FCSK: variants seen among roughly 807,000 people sequenced by gnomAD.
FCSK encodes L-fucose kinase.
FCSK carries 123 observed loss-of-function variants against 122.5 expected under a neutral mutation model. The observed-to-expected ratio is 1.00, with a 90% CI of 0.87 to 1.17. FCSK has a LOEUF of 1.17. Ranked by LOEUF, FCSK falls within the 50% of genes most tolerant of loss-of-function variation. FCSK has a pLI of 0.00. For missense variants in FCSK, 1,366 were observed against 1,450.4 expected, an observed-to-expected ratio of 0.94 and a Z score of 0.95; for synonymous variants, 620 against 625.5, an observed-to-expected ratio of 0.99 and a Z score of 0.13.
intron 1 of FCSK, among the ~76,000 whole-genome samples, chr16:70,459,223 TAA>T (rs10596122): frequency 0.13 from 17,130 of 131,752 alleles, 3,390 homozygotes; most frequent in African/African-American, 0.42. Flanking sequence ...ACCCTGTCTT[TAA>T]AAAAAAAAAA....
At chr16:70,479,512 C>A in intron 23 of FCSK, 67 bp from the exon 24 acceptor site, 1 of 1,506,820 alleles carries the variant, frequency 6.6e-7, no homozygotes, top group Non-Finnish European at 9.1e-7. Flanking sequence ...GTCCTGCAGG[C>A]CCAGTCCAGC....
intron 1 of FCSK, among the ~76,000 whole-genome samples, chr16:70,460,277 AAT>A (rs2048224932): frequency 6.7e-6 from 1 of 149,462 alleles, no homozygotes; most frequent in Non-Finnish European, 1.5e-5. Context: ...ACGCCCAGCT[AAT>A]TTTTTGTATT....
intron 3 of FCSK, among the ~76,000 whole-genome samples, chr16:70,464,363 C>T (rs1205947081): frequency 6.6e-5 from 10 of 152,062 alleles, no homozygotes; most frequent in Admixed American, 2.6e-4. Flanking sequence ...TCAAAACAGA[C>T]AGCAGAGGCC....
rs1440078776 is a variant in FCSK at position 70,469,009 on chromosome 16, G to A, written c.783+41G>A. The stretch of plus-strand genomic sequence containing the variant: ...CAGCTAGGTGGGGCCTGGCTTGGGG[G>A]CGAGGCACTGTGTGACCTCAGGCCA... On this transcript the variant is annotated intron_variant, in intron 9 of 23. Transcript: ENST00000288078. 5 of 1,609,534 alleles carry A rather than the reference G, an allele frequency of 3.1e-6. No homozygotes were observed. In the African/African-American group the frequency reaches 6.7e-5, roughly 21 times the overall value.
intron 1 of FCSK, among the ~76,000 whole-genome samples, chr16:70,460,326 T>C (rs1210326234): frequency 1.3e-5 from 2 of 151,364 alleles, no homozygotes; most frequent in Non-Finnish European, 2.9e-5. Flanking sequence ...TTAGCCAGGA[T>C]GGTCTCGATC....
In FCSK at chr16:70,475,481, G is replaced by A. The variant is rs758549850; in HGVS notation, c.2509G>A (p.Gly837Ser). Residue 837 changes from glycine to serine, a missense_variant, in exon 19 of 24, where the codon GGC becomes AGC. Coordinates refer to ENST00000288078, the MANE Select transcript of FCSK (RefSeq NM_145059.3). ...GCACACCTGGTCTGAGCTGCCCCAC[G>A]GCTCTGGCCTGGGTGAGCGGGCCCT... ...ELHTWSELPH[G>S]SGLGTSSILA... 1.1e-4 allele frequency: 180 copies of A among 1,602,974 alleles called. No homozygotes were observed. Among genetic ancestry groups the A allele is most frequent in the Non-Finnish European group, 1.4e-4 (166 of 1,178,090 alleles).
intron 13 of FCSK, among the ~76,000 whole-genome samples, chr16:70,471,812 G>GTTT (rs1230034123): frequency 2.3e-5 from 3 of 128,650 alleles, no homozygotes; most frequent in African/African-American, 9.3e-5. Flanking sequence ...TGGGGTTGTT[G>GTTT]TTTTTTTTTT....
rs147558449 is a variant in FCSK at position 70,471,255 on chromosome 16, G to A, written c.1244G>A (p.Arg415Gln). 22 of 1,609,952 alleles carry A rather than the reference G, an allele frequency of 1.4e-5. No homozygotes were observed. Among genetic ancestry groups the A allele is most frequent in the African/African-American group, 1.2e-4 (9 of 75,026 alleles). ...GCCCACTCCAAGGCCCTGCATGGCC[G>A]GGAGCTGCGTGACCTTGTCCTGCAG... ...DTAHSKALHG[R>Q]ELRDLVLQGH... Residue 415 changes from arginine (R) to glutamine (Q), a missense_variant, in exon 13 of 24, where the codon CGG becomes CAG. Transcript: ENST00000288078.
chr16:70,469,837 C>T (rs17882800), intron 10 of FCSK, among the ~76,000 whole-genome samples: 4,785 of 148,598 alleles, frequency 0.032, 286 homozygotes, highest in African/African-American at 0.11. Flanking sequence ...CCGGCCCTAA[C>T]CTGTCTGCTT....
chr16:70,471,493 G>C (rs17884496), intron 13 of FCSK, 141 bp downstream of exon 13: 31,278 of 826,152 alleles, frequency 0.038, 805 homozygotes, highest in East Asian at 0.11. Flanking sequence ...GTAGGGAGGA[G>C]AGAATGAGGG....
rs574604737 is a variant in FCSK, at chr16:70,470,355, G to T, written c.997G>T (p.Ala333Ser). The change falls in exon 11 of 24, where the codon GCC becomes TCC. Residue 333 changes from alanine to serine, a missense_variant. Transcript: ENST00000288078. Reference sequence around the variant, plus strand: ...CAGCTACAGCTACATGACCTCCTCAGCCAGTGAGTTCCTGCTCAGCCTCAC... The same window carrying T: ...CAGCTACAGCTACATGACCTCCTCATCCAGTGAGTTCCTGCTCAGCCTCAC... The part of the protein sequence containing the change: ...SGSYSYMTSS[A>S]SEFLLSLTLP... 2 of 1,613,772 alleles carry T rather than the reference G, an allele frequency of 1.2e-6. No homozygotes were observed. The highest frequency in any genetic ancestry group is 2.2e-5 in the South Asian group (2 of 91,086).
rs752659322 is a variant in FCSK, at chr16:70,471,263, C to T, written c.1252C>T (p.Arg418Cys). 4.3e-5 allele frequency: 69 copies of T among 1,609,650 alleles called. No homozygotes were observed. Among genetic ancestry groups the T allele is most frequent in the Non-Finnish European group, 4.9e-5 (58 of 1,178,834 alleles). The change falls in exon 13 of 24, where the codon CGT becomes TGT. Residue 418 changes from arginine to cysteine, a missense_variant. Physicochemically the swap from Arg to Cys is radical, Grantham distance 180. Coordinates refer to ENST00000288078, the MANE Select transcript of FCSK (RefSeq NM_145059.3). ...HSKALHGREL[R>C]DLVLQGHHTR... ...CAAGGCCCTGCATGGCCGGGAGCTG[C>T]GTGACCTTGTCCTGCAGGGACACCA...
intron 1 of FCSK, 51 bp downstream of exon 1, chr16:70,454,681 C>T (rs549710033): frequency 2.5e-4 from 38 of 152,288 alleles, no homozygotes; most frequent in South Asian, 8.3e-4. Flanking sequence ...CCCTTGCGCC[C>T]CTTGCGCCCC....
Position 70,470,373 on chromosome 16 carries a change from A to T in FCSK, c.1015A>T (p.Ser339Cys). Residue 339 changes from serine to cysteine, a missense_variant, in exon 11 of 24, where the codon AGC (serine) becomes TGC (cysteine). Coordinates refer to ENST00000288078, the MANE Select transcript of FCSK (RefSeq NM_145059.3). The part of the protein sequence containing the change: ...MTSSASEFLL[S>C]LTLPGAPGAQ... ...CTCCTCAGCCAGTGAGTTCCTGCTCAGCCTCACACTCCCCGGGGCTCCTGG... is the reference window on the plus strand; with the variant it reads ...CTCCTCAGCCAGTGAGTTCCTGCTCTGCCTCACACTCCCCGGGGCTCCTGG... The T allele has an allele frequency of 6.2e-7, 1 of 1,613,940 alleles. No individual in the cohort carries two copies. The highest frequency in any genetic ancestry group is 1.7e-5 in the Admixed American group (1 of 60,008).
intron 4 of FCSK, among the ~76,000 whole-genome samples, chr16:70,465,715 A>T (rs2048396760): frequency 6.6e-6 from 1 of 152,054 alleles, no homozygotes; most frequent in African/African-American, 2.4e-5. Context: ...GCGCTTTGGG[A>T]GGTTGAGGCG....
chr16:70,463,125 G>A, intron 1 of FCSK, 44 bp from the exon 2 acceptor site: 1 of 1,096,926 alleles, frequency 9.1e-7, no homozygotes, highest in Non-Finnish European at 1.4e-6. Context: ...TTTTAGTTAT[G>A]ATGGTTTAAA....
chr16:70,467,363 C>G lies in FCSK; in HGVS notation c.485-11C>G. 1 of 1,596,710 alleles carries G rather than the reference C, an allele frequency of 6.3e-7. No homozygotes were observed. The highest frequency in any genetic ancestry group is 8.5e-7 in the Non-Finnish European group (1 of 1,171,026). On this transcript the variant is annotated splice_polypyrimidine_tract_variant and intron_variant, in intron 6 of 23. Coordinates refer to ENST00000288078, the MANE Select transcript of FCSK (RefSeq NM_145059.3). ...GGCCCCTGGGAGCCTCCTGACTGCCCCACCCCACAGGTATCAGCTGGGACA... is the reference window on the plus strand; with the variant it reads ...GGCCCCTGGGAGCCTCCTGACTGCCGCACCCCACAGGTATCAGCTGGGACA...
At chr16:70,465,049 C>G (rs766431159) in intron 3 of FCSK, 77 bp from the exon 4 acceptor site, 5 of 1,587,626 alleles carry the variant, frequency 3.1e-6, no homozygotes, top group Non-Finnish European at 3.4e-6. Flanking sequence ...GTTGGAGTCT[C>G]TCTCTGGATT....
chr16:70,467,989 G>C (rs1597617560), intron 8 of FCSK, 23 bp downstream of exon 8: 1 of 1,601,124 alleles, frequency 6.2e-7, no homozygotes, highest in African/African-American at 1.3e-5. Context: ...GGCCCAGGTT[G>C]CGGGGCTTTG....
Sources: gnomAD v4.1 joint callset for allele counts (sites outside exome capture counted in the v4.1 genomes callset) on GRCh38, gnomAD v4.1.1 for gene constraint, MANE v1.5 for transcripts, NCBI Gene and HGNC (gene_info 2026-07-23, HGNC 2026-07-21) for gene names.